MDGA2: variants seen among roughly 807,000 people sequenced by gnomAD.
MDGA2 encodes MAM domain containing glycosylphosphatidylinositol anchor 2, also known as MAM domain-containing glycosylphosphatidylinositol anchor protein 2.
In MDGA2, 40 loss-of-function variants were observed where a neutral mutation model predicts 117.8. The ratio of observed to expected loss-of-function variants is 0.34; its 90% CI spans 0.26 to 0.44. The LOEUF is 0.44. MDGA2 is among the 20% of genes least tolerant of loss of function. The pLI is 1.00. For synonymous variants in MDGA2, 452 were observed against 439.0 expected (o/e 1.03, Z -0.37); for missense variants, 1,123 against 1,250.6 (o/e 0.90, Z 1.54).
At chr14:47,271,620 C>A (rs561115327) in intron 2 of MDGA2, among the ~76,000 whole-genome samples, 1 of 152,138 alleles carries the variant, frequency 6.6e-6, no homozygotes, top group African/African-American at 2.4e-5. Context: ...ATTCCTGTGG[C>A]TGGCTCTGCA....
At chr14:46,924,785 G>T (rs540182842) in intron 9 of MDGA2, among the ~76,000 whole-genome samples, 1 of 152,048 alleles carries the variant, frequency 6.6e-6, no homozygotes, top group African/African-American at 2.4e-5. Flanking sequence ...AATGCTAGAT[G>T]AAATTATGCC....
chr14:47,366,965 A>C (rs1891245246), intron 1 of MDGA2, among the ~76,000 whole-genome samples: 1 of 151,474 alleles, frequency 6.6e-6, no homozygotes, highest in South Asian at 2.1e-4. Flanking sequence ...GAAAATAAAA[A>C]GTAATGAGCA....
At chr14:47,291,998 C>T (rs1888907348) in intron 2 of MDGA2, among the ~76,000 whole-genome samples, 2 of 152,256 alleles carry the variant, frequency 1.3e-5, no homozygotes, top group East Asian at 1.9e-4. Flanking sequence ...AAAAAGCATG[C>T]ATTTGTTAGA....
intron 2 of MDGA2, among the ~76,000 whole-genome samples, chr14:47,284,453 T>C (rs1594772493): frequency 3.3e-5 from 5 of 152,286 alleles, no homozygotes; most frequent in Admixed American, 3.3e-4. Flanking sequence ...AGAAACTCTT[T>C]GCCATTGGAC....
At chr14:47,435,876 C>G (rs751232309) in intron 1 of MDGA2, among the ~76,000 whole-genome samples, 3 of 152,058 alleles carry the variant, frequency 2.0e-5, no homozygotes, top group Non-Finnish European at 4.4e-5. Context: ...TCTGGCAGAA[C>G]GTGGCTGTCA....
intron 1 of MDGA2, among the ~76,000 whole-genome samples, chr14:47,311,863 T>C (rs908617366): frequency 1.3e-5 from 2 of 152,140 alleles, no homozygotes; most frequent in African/African-American, 4.8e-5. Flanking sequence ...TATATTATAA[T>C]TTCATTTTAC....
At chr14:47,208,493 C>T (rs894118511) in intron 3 of MDGA2, among the ~76,000 whole-genome samples, 2 of 151,002 alleles carry the variant, frequency 1.3e-5, no homozygotes, top group African/African-American at 2.4e-5. Context: ...TTTATTAGCT[C>T]ACTTTACTTG....
rs752256978 is a variant in MDGA2, at chr14:46,873,503, T to C, written c.2682A>G (p.Lys894=). ...LLSPVFSIAP[K]NPYGPTNTAY... ...CAGTGTTTGTGGGTCCATAAGGGTT[T>C]TTGGGAGCTATGCTGAAAACAGGGC... The change falls in exon 14 of 17, where the codon AAA becomes AAG. Residue 894 remains lysine (K), a synonymous_variant. Coordinates refer to ENST00000399232, the MANE Select transcript of MDGA2 (RefSeq NM_001113498.3). The C allele has an allele frequency of 6.8e-6, 11 of 1,612,500 alleles. No individual in the cohort carries two copies. The African/African-American group carries it at 1.5e-4, about 22-fold the overall frequency.
At chr14:47,507,731 T>G (rs1028557408) in intron 1 of MDGA2, among the ~76,000 whole-genome samples, 5 of 152,248 alleles carry the variant, frequency 3.3e-5, no homozygotes, top group Non-Finnish European at 7.3e-5. Context: ...CTTCTATGGA[T>G]CTTATCTTCA....
chr14:47,645,869 G>A (rs1458101719), intron 1 of MDGA2, among the ~76,000 whole-genome samples: 4 of 151,582 alleles, frequency 2.6e-5, no homozygotes, highest in East Asian at 2.0e-4. Flanking sequence ...TCAGAAGATC[G>A]AGACCATCCT....
intron 1 of MDGA2, among the ~76,000 whole-genome samples, chr14:47,348,429 C>A (rs139706490): frequency 3.2e-4 from 48 of 152,180 alleles, no homozygotes; most frequent in African/African-American, 1.1e-3. Context: ...CCAGGCTGGT[C>A]TGGAACTCCT....
At chr14:47,105,183 T>G (rs987800270) in intron 5 of MDGA2, among the ~76,000 whole-genome samples, 7 of 152,122 alleles carry the variant, frequency 4.6e-5, no homozygotes, top group Non-Finnish European at 7.4e-5. Flanking sequence ...CAGCCCCTTC[T>G]CCTTCACCCT....
chr14:47,489,887 C>G (rs1201408664), intron 1 of MDGA2, among the ~76,000 whole-genome samples: 1 of 152,050 alleles, frequency 6.6e-6, no homozygotes, highest in South Asian at 2.1e-4. Context: ...CCTTTGCATA[C>G]TAGTGAATCA....
At chr14:47,246,770 C>A (rs1349763642) in intron 2 of MDGA2, among the ~76,000 whole-genome samples, 2 of 148,906 alleles carry the variant, frequency 1.3e-5, no homozygotes, top group Non-Finnish European at 3.0e-5. Flanking sequence ...CAGGAAAGAA[C>A]AAAAACCCAT....
intron 9 of MDGA2, among the ~76,000 whole-genome samples, chr14:46,931,295 A>G (rs1054144728): frequency 2.0e-5 from 3 of 151,622 alleles, no homozygotes; most frequent in Non-Finnish European, 2.9e-5. Flanking sequence ...GGAGTAATTC[A>G]GGTACTTACT....
At chr14:47,043,652 CAGA>C (rs1889156348) in intron 7 of MDGA2, among the ~76,000 whole-genome samples, 1 of 152,068 alleles carries the variant, frequency 6.6e-6, no homozygotes, top group Non-Finnish European at 1.5e-5. Context: ...TTTACCAGAA[CAGA>C]AGGTCTAAAT....
Position 47,364,607 on chromosome 14 carries a change from A to C in MDGA2, c.281-63057T>G, listed in dbSNP as rs17118398. Among the ~76,000 whole-genome samples, 304 of 152,364 alleles carry C rather than the reference A, an allele frequency of 2.0e-3. 3 individuals carry two copies. The East Asian group carries it at 0.046, about 23-fold the overall frequency. On this transcript the variant is annotated intron_variant, in intron 1 of 16. Transcript: ENST00000399232. ...TAGAGCACAGCTCTCCTGTTGAATG[A>C]TAACCAAATAAGCACCAAATAAAGT...
In MDGA2 at chr14:47,247,423, G is replaced by A. The variant is rs534108095; in HGVS notation, c.421-29228C>T. Among the ~76,000 whole-genome samples, 26 of 150,100 alleles carry A rather than the reference G, an allele frequency of 1.7e-4. No individual in the cohort carries two copies. In the South Asian group the frequency reaches 2.7e-3, roughly 16 times the overall value. ...AGGTTCAAGCAATTCTCCTGCCTCCGCCTCCTTGGTAGCTGGAAGTACAGG... is the reference window on the plus strand; with the variant it reads ...AGGTTCAAGCAATTCTCCTGCCTCCACCTCCTTGGTAGCTGGAAGTACAGG... On this transcript the variant is annotated intron_variant, in intron 2 of 16. Coordinates refer to ENST00000399232, the MANE Select transcript of MDGA2 (RefSeq NM_001113498.3).
chr14:46,977,010 G>C (rs914334141), intron 8 of MDGA2, among the ~76,000 whole-genome samples: 6 of 151,802 alleles, frequency 4.0e-5, no homozygotes, highest in Non-Finnish European at 1.5e-5. Context: ...AAAAAAGATT[G>C]TTTATCCAAA....
Sources: allele counts gnomAD v4.1 joint callset (sites outside exome capture counted in the v4.1 genomes callset), GRCh38; gene constraint gnomAD v4.1.1; transcripts MANE v1.5; gene names NCBI Gene and HGNC (gene_info 2026-07-23, HGNC 2026-07-21).